The following RNF169 variants were observed in gnomAD, a reference collection of about 807,000 sequenced individuals.
The protein encoded by RNF169 is E3 ubiquitin-protein ligase RNF169.
RNF169 carries 24 observed loss-of-function variants against 53.9 expected under a neutral mutation model. That is an observed-to-expected ratio of 0.45 (90% confidence interval 0.32 to 0.63). The LOEUF is 0.63. Ranked by LOEUF, RNF169 falls within the 20% of genes least tolerant of loss-of-function variation. The pLI is 0.04. For missense variants in RNF169, 883 were observed against 906.2 expected (o/e 0.97, Z 0.33); for synonymous variants, 396 against 363.5 (o/e 1.09, Z -1.02).
intron 1 of RNF169, among the ~76,000 whole-genome samples, chr11:74,764,268 G>A (rs373219415): frequency 7.9e-5 from 12 of 152,208 alleles, no homozygotes; most frequent in East Asian, 5.8e-4. Flanking sequence ...GTGCGGTAGC[G>A]CACGCCTATA....
intron 2 of RNF169, among the ~76,000 whole-genome samples, chr11:74,805,176 T>C (rs2035786542): frequency 6.6e-6 from 1 of 152,198 alleles, no homozygotes; most frequent in African/African-American, 2.4e-5. Flanking sequence ...GGTTTATTCA[T>C]AGAATGGGTT....
chr11:74,788,007 A>G (rs1028613819), intron 1 of RNF169, among the ~76,000 whole-genome samples: 11 of 152,240 alleles, frequency 7.2e-5, no homozygotes, highest in Admixed American at 3.9e-4. Flanking sequence ...GGTACCATGT[A>G]AAAAATTGAA....
intron 1 of RNF169, among the ~76,000 whole-genome samples, chr11:74,768,866 G>C (rs1166162991): frequency 6.6e-6 from 1 of 151,832 alleles, no homozygotes; most frequent in African/African-American, 2.4e-5. Context: ...GCAACATAGG[G>C]AGACCTTGTC....
chr11:74,773,033 A>T (rs1258727253), intron 1 of RNF169, among the ~76,000 whole-genome samples: 1 of 152,220 alleles, frequency 6.6e-6, no homozygotes, highest in Non-Finnish European at 1.5e-5. Flanking sequence ...GAATCCAGTC[A>T]TACAAATATT....
intron 1 of RNF169, among the ~76,000 whole-genome samples, chr11:74,750,865 G>GTTTTTTTT (rs35173529): frequency 1.7e-5 from 1 of 60,128 alleles, no homozygotes; most frequent in African/African-American, 6.9e-5. Context: ...GCCTCCCAAG[G>GTTTTTTTT]TTTTTTTTTT....
intron 1 of RNF169, among the ~76,000 whole-genome samples, chr11:74,759,044 C>G (rs1482026538): frequency 6.7e-6 from 1 of 149,856 alleles, no homozygotes; most frequent in African/African-American, 2.5e-5. Context: ...AAGTTGGATT[C>G]CTAGATATTT....
In RNF169 at chr11:74,749,243, C is replaced by T. The variant is rs2034844637; in HGVS notation, c.363C>T (p.Asp121=). The T allele has an allele frequency of 2.8e-6, 3 of 1,086,432 alleles. No individual in the cohort carries two copies. Among genetic ancestry groups the T allele is most frequent in the South Asian group, 4.3e-5 (1 of 23,376 alleles). 67.3% of individuals were successfully genotyped at this position (1,086,432 alleles called of 1,614,324 possible). ...PGWARRRARD[D]GQADSEVLGE... is the part of the protein sequence containing the mutation. ...GGGCCCGCCGTCGGGCCCGCGACGA[C>T]GGCCAGGCCGACTCAGAGGTGCTGG... is the stretch of plus-strand genomic sequence containing the variant. Residue 121 remains aspartate (D), a synonymous_variant, in exon 1 of 6, where the codon GAC becomes GAT. Coordinates refer to ENST00000299563, the MANE Select transcript of RNF169 (RefSeq NM_001098638.2).
At chr11:74,813,932 C>T (rs112094706) in intron 3 of RNF169, among the ~76,000 whole-genome samples, 6,302 of 152,172 alleles carry the variant, frequency 0.041, 135 homozygotes, top group African/African-American at 0.058. Flanking sequence ...ACTCGTGATC[C>T]GCCCGCCTCA....
intron 1 of RNF169, among the ~76,000 whole-genome samples, chr11:74,775,266 A>G (rs1340883327): frequency 6.6e-6 from 1 of 152,198 alleles, no homozygotes; most frequent in Non-Finnish European, 1.5e-5. Flanking sequence ...CTGTGGAGGT[A>G]TTGATCTTAT....
At chr11:74,782,121 G>A (rs1199704976) in intron 1 of RNF169, among the ~76,000 whole-genome samples, 1 of 152,200 alleles carries the variant, frequency 6.6e-6, no homozygotes, top group African/African-American at 2.4e-5. Context: ...TTTTAAGGAT[G>A]AGTTGTTTTT....
chr11:74,810,658 A>G (rs1336103989), intron 3 of RNF169, among the ~76,000 whole-genome samples: 1 of 152,220 alleles, frequency 6.6e-6, no homozygotes, highest in Non-Finnish European at 1.5e-5. Context: ...TAAGATTTGT[A>G]CATTGTCTTC....
intron 2 of RNF169, among the ~76,000 whole-genome samples, chr11:74,804,942 GA>G (rs1423441183): frequency 6.6e-6 from 1 of 152,142 alleles, no homozygotes; most frequent in African/African-American, 2.4e-5. Context: ...GTAGTAGTAG[GA>G]GTATAAAATA....
intron 5 of RNF169, among the ~76,000 whole-genome samples, chr11:74,835,291 T>G (rs1486201840): frequency 1.3e-5 from 2 of 152,194 alleles, no homozygotes; most frequent in Admixed American, 1.3e-4. Flanking sequence ...ACAAGAAACC[T>G]TTTTTAAAGC....
chr11:74,799,875 T>C (rs947756987), intron 2 of RNF169, among the ~76,000 whole-genome samples: 14 of 151,572 alleles, frequency 9.2e-5, no homozygotes, highest in Non-Finnish European at 2.1e-4. Flanking sequence ...TAAACATGTT[T>C]AAATGTTTAT....
intron 4 of RNF169, among the ~76,000 whole-genome samples, chr11:74,830,282 G>A (rs2036158704): frequency 6.6e-6 from 1 of 151,880 alleles, no homozygotes; most frequent in East Asian, 1.9e-4. Context: ...AATTTTTAAC[G>A]ACTGGTCAAG....
At chr11:74,765,775 C>T (rs977805822) in intron 1 of RNF169, among the ~76,000 whole-genome samples, 4 of 150,018 alleles carry the variant, frequency 2.7e-5, no homozygotes, top group Non-Finnish European at 3.0e-5. Context: ...GCACTCCAGC[C>T]TGGGCAACAA....
intron 4 of RNF169, among the ~76,000 whole-genome samples, chr11:74,826,882 G>C (rs113313121): frequency 3.9e-5 from 6 of 152,344 alleles, no homozygotes; most frequent in African/African-American, 1.4e-4. Flanking sequence ...GCTTTGCAGG[G>C]TACAGCTCCC....
At chr11:74,774,530 T>C (rs1170728376) in intron 1 of RNF169, among the ~76,000 whole-genome samples, 1 of 152,216 alleles carries the variant, frequency 6.6e-6, no homozygotes, top group Non-Finnish European at 1.5e-5. Flanking sequence ...TGAACTCTTT[T>C]GTGCTTATAT....
chr11:74,795,672 G>A (rs534421401), intron 2 of RNF169, among the ~76,000 whole-genome samples: 1 of 152,246 alleles, frequency 6.6e-6, no homozygotes, highest in East Asian at 1.9e-4. Context: ...ACCAGCCTGA[G>A]CAATATAGTG....
Sources: gnomAD v4.1 joint callset for allele counts (sites outside exome capture counted in the v4.1 genomes callset) on GRCh38, gnomAD v4.1.1 for gene constraint, MANE v1.5 for transcripts, NCBI Gene and HGNC (gene_info 2026-07-23, HGNC 2026-07-21) for gene names.